ADAMTS16: variants seen among roughly 807,000 people sequenced by gnomAD.
ADAMTS16 encodes A disintegrin and metalloproteinase with thrombospondin motifs 16.
In ADAMTS16, 94 loss-of-function variants were observed where a neutral mutation model predicts 145.8. That is an observed-to-expected ratio of 0.64 (90% CI 0.55 to 0.77). The LOEUF is 0.77. ADAMTS16 is among the 30% of genes least tolerant of loss of function. The pLI is 0.00. For synonymous variants in ADAMTS16, 659 were observed against 604.3 expected (o/e 1.09, Z -1.33); for missense variants, 1,585 against 1,591.5 (o/e 1.00, Z 0.07).
chr5:5,234,931 T>A, intron 12 of ADAMTS16, 83 bp from the exon 13 acceptor site: 1 of 1,223,800 alleles, frequency 8.2e-7, no homozygotes, highest in Non-Finnish European at 1.1e-6. Context: ...CACTCTTAGC[T>A]TCATCTCTCC....
intron 17 of ADAMTS16, among the ~76,000 whole-genome samples, chr5:5,252,396 C>T (rs1579343228): frequency 6.6e-6 from 1 of 152,098 alleles, no homozygotes; most frequent in East Asian, 1.9e-4. Flanking sequence ...CCACTGAATG[C>T]AGCAGTTAAT....
At position 5,303,746 on chromosome 5, in the gene ADAMTS16, C is replaced by T; in HGVS notation, c.3166C>T (p.Leu1056=). 2 of 1,613,150 alleles carry T rather than the reference C, an allele frequency of 1.2e-6. No individual in the cohort carries two copies. The highest frequency in any genetic ancestry group is 1.1e-5 in the South Asian group (1 of 91,036). The change falls in exon 20 of 23, where the codon CTG becomes TTG. Residue 1056 remains leucine, a synonymous_variant. Coordinates refer to ENST00000274181, the MANE Select transcript of ADAMTS16 (RefSeq NM_139056.4). ...RCHKPKKLQW[L]VSAWSQCSVT... The stretch of plus-strand genomic sequence containing the variant: ...CCACAAGCCCAAGAAGCTGCAGTGG[C>T]TGGTGTCCGCCTGGTCCCAGGTAGG...
At chr5:5,167,665 G>A (rs957660847) in intron 3 of ADAMTS16, among the ~76,000 whole-genome samples, 5 of 152,298 alleles carry the variant, frequency 3.3e-5, no homozygotes, top group African/African-American at 9.6e-5. Flanking sequence ...AAATATCGTA[G>A]CCACTTCTCC....
intron 9 of ADAMTS16, among the ~76,000 whole-genome samples, chr5:5,201,320 A>G (rs1437653257): frequency 6.6e-6 from 1 of 152,140 alleles, no homozygotes; most frequent in Non-Finnish European, 1.5e-5. Context: ...CACATGATGA[A>G]CCCCAAATCC....
In ADAMTS16 at chr5:5,306,493, CTT is replaced by C; in HGVS notation, c.3187-10_3187-9del. The C allele has an allele frequency of 6.3e-7, 1 of 1,599,072 alleles. No individual in the cohort carries two copies. Among genetic ancestry groups the C allele is most frequent in the South Asian group, 1.1e-5 (1 of 89,184 alleles). Reference sequence around the variant, plus strand: ...TTTTTTCACTGACTTCTTTTGTTCTCTTCTTTTTAGTGCTCTGTGACATGTGA... The same window carrying C: ...TTTTTTCACTGACTTCTTTTGTTCTCCTTTTTAGTGCTCTGTGACATGTGA... On this transcript the variant is annotated splice_polypyrimidine_tract_variant and intron_variant, in intron 20 of 22. Coordinates refer to ENST00000274181, the MANE Select transcript of ADAMTS16 (RefSeq NM_139056.4).
chr5:5,140,424 C>T lies in ADAMTS16; in HGVS notation c.-44C>T. On this transcript the variant is annotated 5_prime_UTR_variant, in exon 1 of 23. Transcript: ENST00000274181. ...TCCCTGCCCGCTCGCACGCTGCCGG[C>T]CGGGGACCCTCCGGTGGCCCCTAGC... 1 of 1,486,614 alleles carries T rather than the reference C, an allele frequency of 6.7e-7. No individual in the cohort carries two copies. The highest frequency in any genetic ancestry group is 2.2e-5 in the Admixed American group (1 of 44,804). 92.1% of individuals were successfully genotyped at this position (1,486,614 alleles called of 1,614,324 possible).
At chr5:5,294,804 A>C (rs1739466355) in intron 18 of ADAMTS16, among the ~76,000 whole-genome samples, 1 of 152,188 alleles carries the variant, frequency 6.6e-6, no homozygotes, top group Non-Finnish European at 1.5e-5. Flanking sequence ...TTCTAGGATG[A>C]CAGGAAGGGC....
At chr5:5,175,155 A>G (rs1735152317) in intron 3 of ADAMTS16, among the ~76,000 whole-genome samples, 1 of 152,112 alleles carries the variant, frequency 6.6e-6, no homozygotes, top group African/African-American at 2.4e-5. Flanking sequence ...CCCAAGGCCC[A>G]TGTCGAGTAC....
At position 5,239,185 on chromosome 5, in the gene ADAMTS16, C is replaced by T; in HGVS notation, c.2189C>T (p.Ala730Val). Residue 730 changes from alanine to valine, a missense_variant, in exon 15 of 23, where the codon GCT becomes GTT. Around this residue, in one of 3 missense-constraint regions of ADAMTS16, gnomAD observed 834 missense variants for 811.7 expected, o/e 1.03. Coordinates refer to ENST00000274181, the MANE Select transcript of ADAMTS16 (RefSeq NM_139056.4). Reference protein sequence around the residue: ...VGCDNVLGSDAVEDVCGVCNG... With the variant: ...VGCDNVLGSDVVEDVCGVCNG... Reference sequence around the variant, plus strand: ...TGTGACAATGTCCTTGGATCTGATGCTGTTGAAGACGTCTGTGGGGTGTGT... The same window carrying T: ...TGTGACAATGTCCTTGGATCTGATGTTGTTGAAGACGTCTGTGGGGTGTGT... 6.3e-7 allele frequency: 1 copy of T among 1,590,304 alleles called. No individual in the cohort carries two copies. Among genetic ancestry groups the T allele is most frequent in the Non-Finnish European group, 8.5e-7 (1 of 1,169,620 alleles).
intron 16 of ADAMTS16, among the ~76,000 whole-genome samples, chr5:5,240,245 C>A (rs1469906493): frequency 2.0e-5 from 3 of 152,114 alleles, no homozygotes; most frequent in Non-Finnish European, 4.4e-5. Flanking sequence ...TGGGGTCTGA[C>A]TTCGCCTGTG....
intron 2 of ADAMTS16, among the ~76,000 whole-genome samples, chr5:5,145,794 C>T (rs1229477061): frequency 6.6e-6 from 1 of 152,210 alleles, no homozygotes; most frequent in Non-Finnish European, 1.5e-5. Context: ...CTTCCCCTGA[C>T]TCAGCTACAG....
At chr5:5,279,914 CTTT>C (rs1738835721) in intron 18 of ADAMTS16, among the ~76,000 whole-genome samples, 1 of 47,270 alleles carries the variant, frequency 2.1e-5, no homozygotes, top group Non-Finnish European at 5.3e-5. Flanking sequence ...TCTTTTCTTT[CTTT>C]ATTTCTCTTT....
At chr5:5,190,388 T>C (rs932285352) in intron 7 of ADAMTS16, among the ~76,000 whole-genome samples, 2 of 152,160 alleles carry the variant, frequency 1.3e-5, no homozygotes, top group Non-Finnish European at 2.9e-5. Context: ...TAAATACATA[T>C]ATATTTTTTG....
At chr5:5,270,303 C>T (rs1473363548) in intron 18 of ADAMTS16, among the ~76,000 whole-genome samples, 3 of 152,192 alleles carry the variant, frequency 2.0e-5, no homozygotes, top group Non-Finnish European at 4.4e-5. Context: ...GTCTGGTTGC[C>T]ATGGGTTATG....
intron 8 of ADAMTS16, 24 bp from the exon 9 acceptor site, chr5:5,200,108 T>G: frequency 8.1e-7 from 1 of 1,227,860 alleles, no homozygotes. Context: ...GAAAGAACCA[T>G]CTCTCTCTCT....
intron 10 of ADAMTS16, among the ~76,000 whole-genome samples, chr5:5,216,699 G>A (rs1011639434): frequency 1.4e-5 from 2 of 146,534 alleles, no homozygotes; most frequent in Admixed American, 6.8e-5. Context: ...CTGGTGCGCT[G>A]CACCCACTAA....
intron 3 of ADAMTS16, among the ~76,000 whole-genome samples, chr5:5,178,587 T>A (rs1735256352): frequency 6.6e-6 from 1 of 152,250 alleles, no homozygotes; most frequent in Non-Finnish European, 1.5e-5. Flanking sequence ...TACTATGTTC[T>A]ATGTATTTAA....
At chr5:5,266,390 A>G (rs28625561) in intron 18 of ADAMTS16, among the ~76,000 whole-genome samples, 2,602 of 152,268 alleles carry the variant, frequency 0.017, 76 homozygotes, top group African/African-American at 0.059. Context: ...AAAGCAGGAG[A>G]GCTGGTGACC....
intron 11 of ADAMTS16, among the ~76,000 whole-genome samples, chr5:5,232,118 C>G (rs1254458304): frequency 6.6e-6 from 1 of 151,860 alleles, no homozygotes; most frequent in Non-Finnish European, 1.5e-5. Context: ...GGAGATCAGA[C>G]ATTTGAAAAT....
Sources: gnomAD v4.1 joint callset for allele counts (sites outside exome capture counted in the v4.1 genomes callset) on GRCh38, gnomAD v4.1.1 for gene constraint, gnomAD v4.1.1 regional missense constraint, MANE v1.5 for transcripts, NCBI Gene and HGNC (gene_info 2026-07-23, HGNC 2026-07-21) for gene names.